Variants in SKIC8 observed in about 807,000 individuals in gnomAD.
The protein encoded by SKIC8 is superkiller complex protein 8.
the SKIC8 span, among the ~76,000 whole-genome samples, chr15:78,298,756 A>G: frequency 6.6e-6 from 1 of 152,214 alleles, no homozygotes; most frequent in Non-Finnish European, 1.5e-5. Flanking sequence ...TTCACTATCC[A>G]AGATTTCAGA....
At chr15:78,290,333 C>A in the SKIC8 span, among the ~76,000 whole-genome samples, 3 of 152,104 alleles carry the variant, frequency 2.0e-5, no homozygotes, top group Non-Finnish European at 2.9e-5. Flanking sequence ...TGTGGAGAAA[C>A]CAGAGCCTTC....
At chr15:78,290,947 A>T in the SKIC8 span, 3 of 152,028 alleles carry the variant, frequency 2.0e-5, no homozygotes. Context: ...AACCATGTCC[A>T]GCTAATTTTT....
chr15:78,295,460 T>C, the SKIC8 span: 88 of 696,286 alleles, frequency 1.3e-4, no homozygotes, highest in East Asian at 2.1e-3. Context: ...CACTAAATTG[T>C]GGTAAAGACT....
the SKIC8 span, chr15:78,285,942 A>G: frequency 1.0e-6 from 1 of 986,588 alleles, no homozygotes; most frequent in Non-Finnish European, 1.4e-6. Context: ...CTAACTGAAT[A>G]AAAAAGGGTC....
At chr15:78,298,000 G>T in the SKIC8 span, among the ~76,000 whole-genome samples, 1 of 152,306 alleles carries the variant, frequency 6.6e-6, no homozygotes, top group South Asian at 2.1e-4. Flanking sequence ...CGATCCTCTT[G>T]TCTTGGCCTT....
chr15:78,293,145 A>C, the SKIC8 span: 1 of 1,604,686 alleles, frequency 6.2e-7, no homozygotes, highest in Non-Finnish European at 8.5e-7. Flanking sequence ...CCAAGGCTGT[A>C]TGTTAGGGGA....
the SKIC8 span, among the ~76,000 whole-genome samples, chr15:78,294,044 T>A: frequency 2.0e-5 from 3 of 152,190 alleles, no homozygotes; most frequent in Non-Finnish European, 4.4e-5. Flanking sequence ...AATATGAATA[T>A]AAAGGCATTA....
At chr15:78,285,972 G>A in the SKIC8 span, 1 of 1,288,664 alleles carries the variant, frequency 7.8e-7, no homozygotes, top group Non-Finnish European at 1.1e-6. Flanking sequence ...TAAATGTTAA[G>A]GCAATCTATA....
chr15:78,294,897 AAC>A, the SKIC8 span: 2 of 1,613,168 alleles, frequency 1.2e-6, no homozygotes, highest in Non-Finnish European at 1.7e-6. Flanking sequence ...AACCAGGGAC[AAC>A]ACAGTTTTTT....
chr15:78,298,816 T>G, the SKIC8 span, among the ~76,000 whole-genome samples: 1 of 152,186 alleles, frequency 6.6e-6, no homozygotes. Context: ...TACTATTTTT[T>G]TATTATCAGT....
At chr15:78,289,629 A>G in the SKIC8 span, 12 of 1,612,450 alleles carry the variant, frequency 7.4e-6, no homozygotes, top group Non-Finnish European at 1.0e-5. Flanking sequence ...CTTCCAGGGT[A>G]TGCAGAAGTT....
chr15:78,288,150 G>A, the SKIC8 span: 3 of 792,882 alleles, frequency 3.8e-6, no homozygotes, highest in African/African-American at 5.2e-5. Flanking sequence ...CTGAACGGGG[G>A]AGGACCGCCT....
the SKIC8 span, chr15:78,292,559 G>T: frequency 6.2e-7 from 1 of 1,609,474 alleles, no homozygotes; most frequent in South Asian, 1.1e-5. Flanking sequence ...TATCCCTAAA[G>T]ATTTTGGAAA....
At chr15:78,291,713 C>G in the SKIC8 span, 1 of 152,350 alleles carries the variant, frequency 6.6e-6, no homozygotes, top group Admixed American at 6.5e-5. Context: ...AGAGTGGCTA[C>G]TGAGCATAAC....
At chr15:78,285,880 A>G in the SKIC8 span, 1 of 538,034 alleles carries the variant, frequency 1.9e-6, no homozygotes, top group Middle Eastern at 2.8e-4. Flanking sequence ...GTTCCAGCTA[A>G]GGTCAACTAA....
chr15:78,293,280 G>A, the SKIC8 span: 6 of 1,612,984 alleles, frequency 3.7e-6, no homozygotes, highest in Non-Finnish European at 5.1e-6. Flanking sequence ...GGGCTAGAAT[G>A]GAAAGTGCTT....
chr15:78,285,472 C>T, the SKIC8 span: 5 of 719,082 alleles, frequency 7.0e-6, no homozygotes, highest in Non-Finnish European at 9.7e-6. Context: ...GGCCAGGTAT[C>T]AGCATCATTG....
the SKIC8 span, chr15:78,289,789 A>G: frequency 1.0e-5 from 16 of 1,533,856 alleles, no homozygotes; most frequent in Non-Finnish European, 1.4e-5. Context: ...ACACAAGCAA[A>G]CCTCCTGCTA....
At chr15:78,283,764 T>C in the SKIC8 span, 1 of 391,484 alleles carries the variant, frequency 2.6e-6, no homozygotes, top group Non-Finnish European at 4.5e-6. Flanking sequence ...TTAAATACAG[T>C]ACTAATCAAG....
Sources: gnomAD v4.1 joint callset for allele counts (sites outside exome capture counted in the v4.1 genomes callset) on GRCh38, gnomAD v4.1.1 for gene constraint, MANE v1.5 for transcripts, NCBI Gene and HGNC (gene_info 2026-07-23, HGNC 2026-07-21) for gene names.